The following TRIO variants were observed in gnomAD, a reference collection of about 807,000 sequenced individuals.
TRIO encodes triple functional domain protein.
TRIO carries 58 observed loss-of-function variants against 351.9 expected under a neutral mutation model. The ratio of observed to expected loss-of-function variants is 0.16; its 90% CI spans 0.13 to 0.21. The LOEUF (loss-of-function observed/expected upper bound fraction) is 0.21. Ranked by LOEUF, TRIO falls within the 10% of genes least tolerant of loss-of-function variation. TRIO has a pLI of 1.00. For synonymous variants in TRIO, 1,758 were observed against 1,595.7 expected (o/e 1.10, Z -2.42); for missense variants, 3,201 against 4,027.8 (o/e 0.79, Z 5.56).
chr5:14,330,732 G>A (rs990016522), intron 9 of TRIO, 46 bp from the exon 10 acceptor site: 1 of 1,605,680 alleles, frequency 6.2e-7, no homozygotes, highest in African/African-American at 1.3e-5. Context: ...CATTGAACAT[G>A]GCAGGACATT....
chr5:14,305,958 G>C (rs528836526), intron 8 of TRIO, among the ~76,000 whole-genome samples: 1 of 152,366 alleles, frequency 6.6e-6, no homozygotes, highest in East Asian at 1.9e-4. Flanking sequence ...ATGCTGTACA[G>C]GTTTGTAGCC....
intron 1 of TRIO, among the ~76,000 whole-genome samples, chr5:14,247,490 A>C (rs921271480): frequency 2.0e-5 from 3 of 152,222 alleles, no homozygotes; most frequent in Admixed American, 6.5e-5. Context: ...TTTTAGATTA[A>C]CTCAAGACTT....
At chr5:14,144,160 C>T (rs1169253927) in intron 1 of TRIO, among the ~76,000 whole-genome samples, 6 of 152,308 alleles carry the variant, frequency 3.9e-5, no homozygotes, top group East Asian at 1.9e-4. Flanking sequence ...GGGCAGAATC[C>T]CCCGGTCTGC....
At chr5:14,189,234 ACTGT>A (rs1790315545) in intron 1 of TRIO, among the ~76,000 whole-genome samples, 2 of 152,208 alleles carry the variant, frequency 1.3e-5, no homozygotes, top group African/African-American at 4.8e-5. Flanking sequence ...TTGGTACCTG[ACTGT>A]CCTGTACTTG....
At chr5:14,448,575 T>C (rs1461172091) in intron 34 of TRIO, among the ~76,000 whole-genome samples, 1 of 152,226 alleles carries the variant, frequency 6.6e-6, no homozygotes, top group African/African-American at 2.4e-5. Context: ...ACTCCCTGGC[T>C]GGAGAACTTT....
At chr5:14,209,360 T>C (rs536559248) in intron 1 of TRIO, among the ~76,000 whole-genome samples, 2 of 152,370 alleles carry the variant, frequency 1.3e-5, no homozygotes, top group African/African-American at 2.4e-5. Context: ...TACATAGAAG[T>C]AGAAAGAATG....
At position 14,461,303 on chromosome 5, in the gene TRIO, G is replaced by A; in HGVS notation, c.5488G>A (p.Val1830Ile). Residue 1830 changes from valine (V) to isoleucine (I), a missense_variant, in exon 35 of 57, where the codon GTC becomes ATC. By Grantham distance (29) the Val-to-Ile change is conservative. Around this residue, in one of 19 missense-constraint regions of TRIO, gnomAD observed 193 missense variants for 218.8 expected, o/e 0.88. Transcript: ENST00000344204. The stretch of plus-strand genomic sequence containing the variant: ...TGCGGCCACCCCGCAGGACGAGACG[G>A]TCGAGGAGGTGAGGCTCTGCCCGCT... ...DSAATPQDETVEERGRNEGLS... is the reference protein window; with the variant it reads ...DSAATPQDETIEERGRNEGLS... 1 of 1,572,382 alleles carries A rather than the reference G, an allele frequency of 6.4e-7. No individual in the cohort carries two copies. Among genetic ancestry groups the A allele is most frequent in the African/African-American group, 1.3e-5 (1 of 74,074 alleles).
chr5:14,421,236 ATTTTATTTTAT>A (rs1561471132), intron 34 of TRIO, among the ~76,000 whole-genome samples: 13 of 120,106 alleles, frequency 1.1e-4, no homozygotes, highest in African/African-American at 2.9e-4. Context: ...TATTTATTTT[ATTTTATTTTAT>A]TTTATTTTAT....
At chr5:14,337,606 G>C (rs1164730764) in intron 11 of TRIO, among the ~76,000 whole-genome samples, 1 of 152,174 alleles carries the variant, frequency 6.6e-6, no homozygotes, top group Non-Finnish European at 1.5e-5. Context: ...GGAAGAGTAG[G>C]ACTACTGGGG....
At chr5:14,258,944 A>G (rs555984454) in intron 1 of TRIO, among the ~76,000 whole-genome samples, 73 of 152,348 alleles carry the variant, frequency 4.8e-4, no homozygotes, top group African/African-American at 1.7e-3. Flanking sequence ...ACTGATGCGC[A>G]GTCCTCTGAG....
At chr5:14,492,284 A>C in intron 48 of TRIO, 4 of 461,466 alleles carry the variant, frequency 8.7e-6, no homozygotes, top group Non-Finnish European at 1.6e-5. Flanking sequence ...TGCAAGGAAG[A>C]CCACAGTGGA....
chr5:14,322,203 A>T (rs1459547278), intron 9 of TRIO, among the ~76,000 whole-genome samples: 1 of 152,036 alleles, frequency 6.6e-6, no homozygotes, highest in East Asian at 1.9e-4. Flanking sequence ...TAGTTGAAGG[A>T]ATTTAAGGAA....
chr5:14,496,744 G>T (rs1211629496), intron 49 of TRIO, 135 bp from the exon 50 acceptor site: 1 of 1,142,762 alleles, frequency 8.8e-7, no homozygotes, highest in Non-Finnish European at 1.2e-6. Context: ...TCTAACAGAG[G>T]TCACAGTTCG....
At chr5:14,460,959 G>A in intron 34 of TRIO, 60 bp from the exon 35 acceptor site, 1 of 1,452,674 alleles carries the variant, frequency 6.9e-7, no homozygotes, top group Non-Finnish European at 9.1e-7. Flanking sequence ...ATAATGGCAT[G>A]GTCTTCACAC....
At chr5:14,187,833 TGGG>T (rs201393271) in intron 1 of TRIO, among the ~76,000 whole-genome samples, 6,182 of 152,236 alleles carry the variant, frequency 0.041, 428 homozygotes, top group African/African-American at 0.14. Flanking sequence ...ATGAGACTTA[TGGG>T]AGGGGAGGAA....
intron 25 of TRIO, 96 bp from the exon 26 acceptor site, chr5:14,390,135 C>CT (rs1297568757): frequency 7.9e-6 from 9 of 1,134,142 alleles, no homozygotes; most frequent in Admixed American, 2.2e-5. Flanking sequence ...TTTGTTCATT[C>CT]TTTAGGGGGC....
At chr5:14,412,208 G>A (rs1430300918) in intron 33 of TRIO, among the ~76,000 whole-genome samples, 7 of 151,962 alleles carry the variant, frequency 4.6e-5, no homozygotes, top group Non-Finnish European at 1.0e-4. Context: ...GGCTGGTCTC[G>A]AACTCCTGAC....
chr5:14,292,695 G>A (rs1022817347), intron 5 of TRIO, among the ~76,000 whole-genome samples: 2 of 152,196 alleles, frequency 1.3e-5, no homozygotes, highest in East Asian at 3.9e-4. Flanking sequence ...GTTCAGCGTG[G>A]CAGGGAGACT....
At chr5:14,145,496 C>T (rs1327659966) in intron 1 of TRIO, among the ~76,000 whole-genome samples, 1 of 151,782 alleles carries the variant, frequency 6.6e-6, no homozygotes, top group East Asian at 1.9e-4. Flanking sequence ...AAAGCTACCC[C>T]CCCCCACCTT....
Sources: allele counts gnomAD v4.1 joint callset (sites outside exome capture counted in the v4.1 genomes callset), GRCh38; gene constraint gnomAD v4.1.1; regional missense constraint gnomAD v4.1.1; transcripts MANE v1.5; gene names NCBI Gene and HGNC (gene_info 2026-07-23, HGNC 2026-07-21).